The following USP8 variants were observed in gnomAD, a reference collection of about 807,000 sequenced individuals.
The protein encoded by USP8 is ubiquitin carboxyl-terminal hydrolase 8.
USP8 carries 27 observed loss-of-function variants against 130.0 expected under a neutral mutation model. The ratio of observed to expected loss-of-function variants is 0.21; its 90% CI spans 0.15 to 0.29. The LOEUF is 0.29. USP8 is among the 10% of genes least tolerant of loss of function. The probability of loss-of-function intolerance (pLI) is 1.00; values close to 1 mark genes in which losing one functional copy is unlikely to be tolerated. For synonymous variants in USP8, 392 were observed against 444.1 expected (o/e 0.88, Z 1.48); for missense variants, 1,029 against 1,312.2 (o/e 0.78, Z 3.33).
At chr15:50,486,046 A>G (rs2051951063) in intron 12 of USP8, among the ~76,000 whole-genome samples, 1 of 152,138 alleles carries the variant, frequency 6.6e-6, no homozygotes. Context: ...GAACCGATGA[A>G]TACAGAGGAC....
intron 3 of USP8, 106 bp downstream of exon 3, chr15:50,441,599 A>G (rs1158212995): frequency 2.2e-6 from 2 of 920,348 alleles, no homozygotes; most frequent in Non-Finnish European, 3.2e-6. Flanking sequence ...CTCAAATTAT[A>G]TGCAGCATGA....
At chr15:50,493,421 A>G (rs751986988) in intron 15 of USP8, 3 of 519,080 alleles carry the variant, frequency 5.8e-6, no homozygotes, top group Non-Finnish European at 3.8e-6. Context: ...CAGCTCCAGA[A>G]AAGTCAAATT....
At chr15:50,436,256 G>A (rs953278349) in intron 1 of USP8, among the ~76,000 whole-genome samples, 1 of 151,422 alleles carries the variant, frequency 6.6e-6, no homozygotes, top group Admixed American at 6.6e-5. Context: ...TCCTAAAGAT[G>A]TTCTTTACTT....
intron 17 of USP8, 126 bp from the exon 18 acceptor site, chr15:50,496,963 G>T: frequency 8.1e-7 from 1 of 1,234,922 alleles, no homozygotes. Flanking sequence ...TGGGAAGGCA[G>T]GAACTCTTTT....
intron 1 of USP8, among the ~76,000 whole-genome samples, chr15:50,438,171 C>T (rs1268525676): frequency 6.6e-6 from 1 of 152,172 alleles, no homozygotes; most frequent in East Asian, 1.9e-4. Flanking sequence ...CATAGGTGAG[C>T]AGCAGCCTTC....
In USP8 at chr15:50,459,096, G is replaced by A; in HGVS notation, c.432G>A (p.Glu144=). ...AAAAAAGGCAGGAAACAGGAAGAGA[G>A]GATGGTGGCACATTGGCTAAAGGCT... is the stretch of plus-strand genomic sequence containing the variant. ...LQQKRQETGR[E]DGGTLAKGSL... is the part of the protein sequence containing the mutation. Residue 144 remains glutamate (E), a synonymous_variant, in exon 5 of 20, where the codon GAG becomes GAA. Transcript: ENST00000307179. 1 of 1,614,130 alleles carries A rather than the reference G, an allele frequency of 6.2e-7. No individual in the cohort carries two copies. The highest frequency in any genetic ancestry group is 8.5e-7 in the Non-Finnish European group (1 of 1,180,026).
chr15:50,495,744 C>T (rs1480668531), intron 16 of USP8, 104 bp from the exon 17 acceptor site: 3 of 879,150 alleles, frequency 3.4e-6, no homozygotes, highest in South Asian at 3.6e-5. Context: ...ATGAGAACTA[C>T]AGGTGTTTCT....
chr15:50,486,526 G>A (rs1176004087), intron 12 of USP8, among the ~76,000 whole-genome samples: 1 of 151,966 alleles, frequency 6.6e-6, no homozygotes, highest in Non-Finnish European at 1.5e-5. Context: ...ATATATTAAG[G>A]CTAGAATGAC....
intron 4 of USP8, among the ~76,000 whole-genome samples, chr15:50,450,160 G>C (rs1048667829): frequency 3.3e-5 from 5 of 152,036 alleles, no homozygotes; most frequent in African/African-American, 1.2e-4. Flanking sequence ...CTCCCAAAGT[G>C]CTGAGATTAC....
At chr15:50,440,298 C>T (rs1285439777) in intron 2 of USP8, among the ~76,000 whole-genome samples, 2 of 152,134 alleles carry the variant, frequency 1.3e-5, no homozygotes, top group African/African-American at 4.8e-5. Context: ...TCTGGTTTAC[C>T]TCTAGCACTA....
At chr15:50,464,022 A>C (rs2051101075) in intron 6 of USP8, among the ~76,000 whole-genome samples, 1 of 152,226 alleles carries the variant, frequency 6.6e-6, no homozygotes, top group Non-Finnish European at 1.5e-5. Context: ...GGAGCTAACA[A>C]ATGAACATCA....
At position 50,500,796 on chromosome 15, in the gene USP8, G is replaced by A; in HGVS notation, c.*1708G>A. Reference sequence around the variant, plus strand: ...AGGCCTGGGTGACTGAATTCTTGCAGAAAGCAGTGTAGTGGCCACCATCCA... The same window carrying A: ...AGGCCTGGGTGACTGAATTCTTGCAAAAAGCAGTGTAGTGGCCACCATCCA... On this transcript the variant is annotated 3_prime_UTR_variant, in exon 20 of 20. Transcript: ENST00000307179. 2 of 1,590,686 alleles carry A rather than the reference G, an allele frequency of 1.3e-6. No homozygotes were observed. Among genetic ancestry groups the A allele is most frequent in the South Asian group, 2.3e-5 (2 of 86,986 alleles).
chr15:50,465,649 T>A (rs2051165123), intron 7 of USP8, among the ~76,000 whole-genome samples: 1 of 152,232 alleles, frequency 6.6e-6, no homozygotes, highest in Non-Finnish European at 1.5e-5. Context: ...ATTTTCTGTT[T>A]ATAAGCATGT....
chr15:50,509,520 G>C lies in USP8; in HGVS notation c.*10432G>C, dbSNP rs960745068. 3.2e-4 allele frequency: 48 copies of C among 152,074 alleles called. No individual in the cohort carries two copies. The highest frequency in any genetic ancestry group is 1.1e-3 in the African/African-American group (47 of 41,356). 9.4% of individuals were successfully genotyped at this position (152,074 alleles called of 1,614,324 possible). On this transcript the variant is annotated 3_prime_UTR_variant, in exon 20 of 20. Transcript: ENST00000307179. ...AAATTAGCCGGGCATGGTGGCGGGC[G>C]CCTGTAGTCCCAAGCTACTCAGGAG...
At chr15:50,436,346 A>T (rs2050090981) in intron 1 of USP8, among the ~76,000 whole-genome samples, 1 of 152,008 alleles carries the variant, frequency 6.6e-6, no homozygotes, top group Non-Finnish European at 1.5e-5. Context: ...CTCTTTGATG[A>T]TGACTTCCAA....
chr15:50,439,204 T>C (rs752594408), intron 2 of USP8, 27 bp downstream of exon 2: 1 of 1,315,450 alleles, frequency 7.6e-7, no homozygotes, highest in South Asian at 1.7e-5. Flanking sequence ...GCTAGTTTGA[T>C]TGAATCAAAT....
chr15:50,506,943 G>C lies in USP8; in HGVS notation c.*7855G>C, dbSNP rs1185539045. On this transcript the variant is annotated 3_prime_UTR_variant, in exon 20 of 20. Coordinates refer to ENST00000307179, the MANE Select transcript of USP8 (RefSeq NM_005154.5). ...ACTGCATTCCAGCCTGGGCGACAGA[G>C]CGAGACTTCATCTCAAAAAAAAAAA... The C allele has an allele frequency of 2.7e-5, 3 of 109,158 alleles. No individual in the cohort carries two copies. Among genetic ancestry groups the C allele is most frequent in the Non-Finnish European group, 3.3e-5 (2 of 60,070 alleles). 6.8% of individuals were successfully genotyped at this position (109,158 alleles called of 1,614,324 possible).
chr15:50,439,508 G>T (rs373757345), intron 2 of USP8, among the ~76,000 whole-genome samples: 1 of 152,030 alleles, frequency 6.6e-6, no homozygotes, highest in Non-Finnish European at 1.5e-5. Flanking sequence ...TTCCTTTTTG[G>T]CCGGGTGCGG....
rs56771450 is a variant in USP8 at position 50,431,165 on chromosome 15, C to CTGTGTG, written c.-66+6671_-66+6676dup. On this transcript the variant is annotated intron_variant, in intron 1 of 19. Coordinates refer to ENST00000307179, the MANE Select transcript of USP8 (RefSeq NM_005154.5). ...TTTGCAGGGTACAGTGTGTGTGCCT[C>CTGTGTG]TGTGTGTGTGTGTGTGTGTGTGTGT... 5.1e-3 allele frequency among the ~76,000 whole-genome samples: 713 copies of CTGTGTG among 140,984 alleles called. 10 individuals carry two copies. The highest frequency in any genetic ancestry group is 0.016 in the African/African-American group (609 of 37,248). The allele number at this position is 140,984 out of a possible 152,430, so 92.5% of individuals were successfully genotyped here.
Sources: allele counts gnomAD v4.1 joint callset (sites outside exome capture counted in the v4.1 genomes callset), GRCh38; gene constraint gnomAD v4.1.1; transcripts MANE v1.5; gene names NCBI Gene and HGNC (gene_info 2026-07-23, HGNC 2026-07-21).